TEX2: variants seen among roughly 807,000 people sequenced by gnomAD.
TEX2 encodes the protein testis-expressed protein 2.
Under a neutral mutation model 106.9 loss-of-function variants are expected in TEX2, and 53 were observed. That is an observed-to-expected ratio of 0.50 (90% CI 0.40 to 0.62). The LOEUF (loss-of-function observed/expected upper bound fraction) is 0.62. Among genes scored for constraint, TEX2 ranks in the 20% least tolerant of loss-of-function variants. The probability of loss-of-function intolerance (pLI) is 0.00; values close to 1 mark genes in which losing one functional copy is unlikely to be tolerated. For missense variants in TEX2, 1,207 were observed against 1,379.0 expected (o/e 0.88, Z 1.98); for synonymous variants, 523 against 534.8 (o/e 0.98, Z 0.30).
chr17:64,200,768 G>T (rs1398508123), intron 2 of TEX2, among the ~76,000 whole-genome samples: 1 of 152,184 alleles, frequency 6.6e-6, no homozygotes, highest in African/African-American at 2.4e-5. Context: ...GAATCTAGGA[G>T]ATGCTTTCCT....
Position 64,188,196 on chromosome 17 carries a change from G to T in TEX2, c.2396C>A (p.Ala799Glu), listed in dbSNP as rs764443710. The change falls in exon 5 of 12, where the codon GCG becomes GAG. Residue 799 changes from alanine to glutamate, a missense_variant. This residue lies in a region of TEX2 where 1,067 missense variants were observed against 1,193.6 expected (regional missense o/e 0.89). Transcript: ENST00000584379. ...RSPQRSPLQS[A>E]ESSPTAGKKL... is the part of the protein sequence containing the mutation. ...CTTCCCAGCTGTGGGGCTGCTCTCC[G>T]CACTCTGCAGGGGGCTCCTCTGGGG... The T allele has an allele frequency of 6.2e-7, 1 of 1,611,028 alleles. No homozygotes were observed. The highest frequency in any genetic ancestry group is 1.3e-5 in the African/African-American group (1 of 75,018).
chr17:64,191,265 T>C (rs1336929002), intron 4 of TEX2, among the ~76,000 whole-genome samples: 1 of 152,220 alleles, frequency 6.6e-6, no homozygotes, highest in Non-Finnish European at 1.5e-5. Flanking sequence ...AGTGGAACTT[T>C]TGGCAGGATT....
intron 2 of TEX2, among the ~76,000 whole-genome samples, chr17:64,211,420 T>A (rs1467180063): frequency 6.6e-6 from 1 of 152,216 alleles, no homozygotes; most frequent in Non-Finnish European, 1.5e-5. Context: ...TTTTCTGGCT[T>A]TCCACCTTAT....
intron 5 of TEX2, among the ~76,000 whole-genome samples, chr17:64,179,309 G>C (rs1353784629): frequency 6.6e-6 from 1 of 152,168 alleles, no homozygotes; most frequent in East Asian, 1.9e-4. Flanking sequence ...CAATCAGCAG[G>C]ATCCTAAAAG....
intron 1 of TEX2, among the ~76,000 whole-genome samples, chr17:64,257,438 C>T (rs1230657062): frequency 1.3e-5 from 2 of 152,218 alleles, no homozygotes; most frequent in African/African-American, 2.4e-5. Context: ...CTGCAGTTTC[C>T]GTCACCCATA....
At chr17:64,219,622 G>GC (rs2033301133) in intron 1 of TEX2, among the ~76,000 whole-genome samples, 1 of 152,122 alleles carries the variant, frequency 6.6e-6, no homozygotes, top group South Asian at 2.1e-4. Flanking sequence ...CATGATGTAA[G>GC]AAATGCCTAA....
chr17:64,214,043 C>A lies in TEX2; in HGVS notation c.175G>T (p.Gly59Trp). Reference protein sequence around the residue: ...EEEFREYFEEGLDDQSIVTGL... With the variant: ...EEEFREYFEEWLDDQSIVTGL... ...GTTACAATGCTTTGGTCATCCAGCC[C>A]CTCCTCAAAGTACTCCCTGAACTCC... Residue 59 changes from glycine to tryptophan, a missense_variant, in exon 2 of 12, where the codon GGG becomes TGG. Gly to Trp is a radical substitution (Grantham distance 184, BLOSUM62 -2). This residue lies in a region of TEX2 where 1,067 missense variants were observed against 1,193.6 expected (regional missense o/e 0.89). Coordinates refer to ENST00000584379, the MANE Select transcript of TEX2 (RefSeq NM_001288732.2). 1 of 1,614,182 alleles carries A rather than the reference C, an allele frequency of 6.2e-7. No homozygotes were observed. The highest frequency in any genetic ancestry group is 8.5e-7 in the Non-Finnish European group (1 of 1,180,030).
At chr17:64,155,413 G>T (rs1215723932) in intron 8 of TEX2, 1 of 154,194 alleles carries the variant, frequency 6.5e-6, no homozygotes, top group African/African-American at 2.4e-5. Flanking sequence ...GGGATGTTGA[G>T]GCAAGTCCCT....
intron 5 of TEX2, among the ~76,000 whole-genome samples, chr17:64,187,363 G>A (rs1472505901): frequency 6.6e-6 from 1 of 152,082 alleles, no homozygotes; most frequent in Non-Finnish European, 1.5e-5. Context: ...TCATCCAGTT[G>A]CTCAGGTCAA....
At chr17:64,164,192 C>T (rs1043010885) in intron 7 of TEX2, among the ~76,000 whole-genome samples, 2 of 152,160 alleles carry the variant, frequency 1.3e-5, no homozygotes, top group Non-Finnish European at 2.9e-5. Flanking sequence ...AATCCCAGCA[C>T]TTTGGGAGGC....
At chr17:64,245,924 T>C (rs2033979527) in intron 1 of TEX2, among the ~76,000 whole-genome samples, 1 of 152,208 alleles carries the variant, frequency 6.6e-6, no homozygotes, top group South Asian at 2.1e-4. Context: ...AGGTTTTCTG[T>C]AATTACCAAC....
At chr17:64,192,083 G>GTT (rs775004565) in intron 4 of TEX2, among the ~76,000 whole-genome samples, 2 of 152,284 alleles carry the variant, frequency 1.3e-5, no homozygotes, top group South Asian at 4.1e-4. Context: ...GGTGGCTACC[G>GTT]TAAGAAGCAG....
chr17:64,172,690 T>C (rs9896332), intron 6 of TEX2, among the ~76,000 whole-genome samples: 108,245 of 151,940 alleles, frequency 0.71, 38,667 homozygotes, highest in East Asian at 0.83. Context: ...CTTCTGCTAG[T>C]TCTGGAGTGT....
rs1194897018 is a variant in TEX2 at position 64,171,196 on chromosome 17, G to A, written c.2575C>T (p.Pro859Ser). The A allele has an allele frequency of 1.2e-6, 2 of 1,613,622 alleles. No homozygotes were observed. Among genetic ancestry groups the A allele is most frequent in the African/African-American group, 2.7e-5 (2 of 74,912 alleles). The change falls in exon 7 of 12, where the codon CCC (proline) becomes TCC (serine). Residue 859 changes from proline to serine, a missense_variant. Around this residue, in one of 3 missense-constraint regions of TEX2, gnomAD observed 1,067 missense variants for 1,193.6 expected, o/e 0.89. Transcript: ENST00000584379. ...IQMKLSKIKL[P>S]YFMNELTLTE... is the part of the protein sequence containing the mutation. ...AGAGTGAGCTCATTCATAAAGTAGG[G>A]GAGCTAGAGGAAACAAGCAAACAAT...
intron 1 of TEX2, among the ~76,000 whole-genome samples, chr17:64,250,979 C>T (rs1304194904): frequency 6.6e-6 from 1 of 152,170 alleles, no homozygotes; most frequent in Non-Finnish European, 1.5e-5. Context: ...GTGTGAGCCA[C>T]CAGGCCCAGA....
chr17:64,167,851 G>A (rs1214680620), intron 7 of TEX2, among the ~76,000 whole-genome samples: 3 of 152,114 alleles, frequency 2.0e-5, no homozygotes, highest in Non-Finnish European at 2.9e-5. Flanking sequence ...TGAGAGATGA[G>A]GAAGTGAAGT....
intron 10 of TEX2, 93 bp downstream of exon 10, chr17:64,152,852 T>TA: frequency 7.0e-6 from 9 of 1,293,190 alleles, no homozygotes; most frequent in Non-Finnish European, 9.7e-6. Flanking sequence ...CGGGAGAAGG[T>TA]ACTTTCCATA....
At chr17:64,218,332 G>A (rs1457460952) in intron 1 of TEX2, among the ~76,000 whole-genome samples, 4 of 151,108 alleles carry the variant, frequency 2.6e-5, no homozygotes, top group Non-Finnish European at 5.9e-5. Flanking sequence ...CAGGAACCCC[G>A]AGGTATGAGC....
In TEX2 at chr17:64,153,292, G is replaced by C; in HGVS notation, c.2931-138C>G. ...TGGTGATTCTGTGTTGGGGCGGGGG[G>C]CATCCTGTGCATTGCAGGGTGTTCA... On this transcript the variant is annotated intron_variant, in intron 9 of 11. Coordinates refer to ENST00000584379, the MANE Select transcript of TEX2 (RefSeq NM_001288732.2). This position sits in a 1 kb window ranked among gnomAD's most constrained non-coding sequence, Gnocchi z 4.1. The C allele has an allele frequency of 1.6e-6, 1 of 639,580 alleles. No homozygotes were observed. The highest frequency in any genetic ancestry group is 2.7e-6 in the Non-Finnish European group (1 of 364,004). 39.6% of individuals were successfully genotyped at this position (639,580 alleles called of 1,614,324 possible).
Sources: gnomAD v4.1 joint callset for allele counts (sites outside exome capture counted in the v4.1 genomes callset) on GRCh38, gnomAD v4.1.1 for gene constraint, gnomAD v4.1.1 regional missense constraint, Gnocchi (gnomAD v3.1) non-coding constraint, MANE v1.5 for transcripts, NCBI Gene and HGNC (gene_info 2026-07-23, HGNC 2026-07-21) for gene names.